LDLRAD4: variants seen among roughly 807,000 people sequenced by gnomAD.
LDLRAD4 encodes the protein low-density lipoprotein receptor class A domain-containing protein 4.
In LDLRAD4, 5 loss-of-function variants were observed where a neutral mutation model predicts 17.0. The ratio of observed to expected loss-of-function variants is 0.29; its 90% CI spans 0.15 to 0.62. LDLRAD4 has a LOEUF of 0.62. Among genes scored for constraint, LDLRAD4 ranks in the 20% least tolerant of loss-of-function variants. The pLI is 0.84. For missense variants in LDLRAD4, 340 were observed against 424.7 expected, an observed-to-expected ratio of 0.80 and a Z score of 1.75; for synonymous variants, 168 against 171.8, an observed-to-expected ratio of 0.98 and a Z score of 0.17.
intron 3 of LDLRAD4, among the ~76,000 whole-genome samples, chr18:13,495,916 C>T (rs76302295): frequency 0.07 from 10,693 of 152,258 alleles, 503 homozygotes; most frequent in Middle Eastern, 0.14. Context: ...CTCCAGCTGC[C>T]GGGCCCTTGT....
chr18:13,645,336 C>G lies in LDLRAD4; in HGVS notation c.600C>G (p.Leu200=). 1 of 1,614,242 alleles carries G rather than the reference C, an allele frequency of 6.2e-7. No individual in the cohort carries two copies. Among genetic ancestry groups the G allele is most frequent in the South Asian group, 1.1e-5 (1 of 91,092 alleles). Residue 200 remains leucine, a synonymous_variant, in exon 6 of 6, where the codon CTC becomes CTG. Coordinates refer to ENST00000359446, the Ensembl canonical transcript of LDLRAD4. The surrounding 1 kb of genome is among the most constrained non-coding windows in gnomAD (Gnocchi z 5.7). ...GGGACCCTGAACAGCAGATGGAACT[C>G]AACCGAGAGTCCGTGAGGGCCCCAC...
In LDLRAD4 at chr18:13,370,714, T is replaced by TTTTTTTTTTGTTTTG. The variant is rs1555663223; in HGVS notation, c.-382-16618_-382-16617insGTTTTGTTTTTTTTT. Among the ~76,000 whole-genome samples, 10 of 29,240 alleles carry TTTTTTTTTTGTTTTG rather than the reference T, an allele frequency of 3.4e-4. No homozygotes were observed. The South Asian group carries it at 0.013, about 38-fold the overall frequency. 19.2% of individuals were successfully genotyped at this position (29,240 alleles called of 152,430 possible). On this transcript the variant is annotated intron_variant, in intron 1 of 5. Coordinates refer to ENST00000359446, the Ensembl canonical transcript of LDLRAD4. ...GTCTCTTTCATGGTTTTTTGTTTTG[T>TTTTTTTTTTGTTTTG]TTTTTTTTTTTTTTGAGATGGATTC...
In LDLRAD4 at chr18:13,387,727, C is replaced by T; in HGVS notation, c.5C>T (p.Pro2Leu). The change falls in exon 2 of 6, where the codon CCG becomes CTG. Residue 2 changes from proline to leucine, a missense_variant. Transcript: ENST00000359446. ...CAGGCTTGTCCGGGGAGCAGTATGC[C>T]GGAAGCTGGTTTTCAGGCCACAAAT... 3.1e-6 allele frequency: 5 copies of T among 1,613,966 alleles called. No homozygotes were observed. Among genetic ancestry groups the T allele is most frequent in the Non-Finnish European group, 4.2e-6 (5 of 1,179,882 alleles).
At chr18:13,434,556 C>A (rs922947957) in intron 2 of LDLRAD4, among the ~76,000 whole-genome samples, 1 of 152,256 alleles carries the variant, frequency 6.6e-6, no homozygotes, top group African/African-American at 2.4e-5. Flanking sequence ...AAAGAATAGA[C>A]AACATATTTT....
At chr18:13,260,175 T>C (rs975049564) in intron 1 of LDLRAD4, among the ~76,000 whole-genome samples, 1 of 152,244 alleles carries the variant, frequency 6.6e-6, no homozygotes, top group Non-Finnish European at 1.5e-5. Context: ...GTAACTTCTA[T>C]TGGAGGTCAT....
chr18:13,604,404 G>C (rs1205383148), intron 3 of LDLRAD4, among the ~76,000 whole-genome samples: 1 of 152,166 alleles, frequency 6.6e-6, no homozygotes, highest in Non-Finnish European at 1.5e-5. Flanking sequence ...ACCATCATGA[G>C]CACCACCTAT....
intron 3 of LDLRAD4, among the ~76,000 whole-genome samples, chr18:13,503,114 G>A (rs1425137722): frequency 6.6e-6 from 1 of 152,148 alleles, no homozygotes; most frequent in Non-Finnish European, 1.5e-5. Context: ...ACCATCAACC[G>A]ATGTTGTGTG....
intron 3 of LDLRAD4, among the ~76,000 whole-genome samples, chr18:13,576,237 C>A (rs945570148): frequency 1.3e-5 from 2 of 151,970 alleles, no homozygotes; most frequent in African/African-American, 4.8e-5. Flanking sequence ...TCCTGGGTAA[C>A]ACGGGGAAAC....
intron 1 of LDLRAD4, among the ~76,000 whole-genome samples, chr18:13,266,461 T>G (rs1304072171): frequency 6.6e-6 from 1 of 152,214 alleles, no homozygotes; most frequent in East Asian, 1.9e-4. Flanking sequence ...ACCCTGGGCT[T>G]GGCTTTCCTT....
chr18:13,392,630 G>A (rs1021798588), intron 2 of LDLRAD4, among the ~76,000 whole-genome samples: 8 of 152,152 alleles, frequency 5.3e-5, no homozygotes, highest in African/African-American at 1.9e-4. Flanking sequence ...GGGTGTCACC[G>A]TACACATCCT....
chr18:13,403,606 G>T (rs1039945184), intron 2 of LDLRAD4, among the ~76,000 whole-genome samples: 2 of 152,198 alleles, frequency 1.3e-5, no homozygotes, highest in Admixed American at 6.5e-5. Flanking sequence ...AATTAACATG[G>T]TCTCTGAGAC....
At chr18:13,626,812 A>G (rs570775249) in intron 4 of LDLRAD4, among the ~76,000 whole-genome samples, 1 of 152,338 alleles carries the variant, frequency 6.6e-6, no homozygotes, top group African/African-American at 2.4e-5. Flanking sequence ...GGTGGCTGTC[A>G]GCCCTCTTGA....
chr18:13,246,477 A>T (rs117978833), intron 1 of LDLRAD4, among the ~76,000 whole-genome samples: 1 of 152,346 alleles, frequency 6.6e-6, no homozygotes, highest in East Asian at 1.9e-4. Flanking sequence ...ATTGGTGATG[A>T]GGAGATGGGG....
At chr18:13,389,665 C>T (rs1404407563) in intron 2 of LDLRAD4, among the ~76,000 whole-genome samples, 2 of 152,176 alleles carry the variant, frequency 1.3e-5, no homozygotes, top group Non-Finnish European at 2.9e-5. Flanking sequence ...CCACAGAGGC[C>T]AGGGTTCTGG....
At chr18:13,262,711 A>G (rs1464407281) in intron 1 of LDLRAD4, among the ~76,000 whole-genome samples, 2 of 60,344 alleles carry the variant, frequency 3.3e-5, no homozygotes, top group Non-Finnish European at 5.8e-5. Flanking sequence ...TGTGTGTGGA[A>G]ACTGAGTCCC....
chr18:13,641,983 C>T, intron 4 of LDLRAD4: 3 of 985,130 alleles, frequency 3.0e-6, no homozygotes, highest in South Asian at 4.7e-5. Flanking sequence ...GGGCCCTGGG[C>T]GGTGGGAGGG....
Position 13,645,829 on chromosome 18 carries a change from A to G in LDLRAD4, c.*172A>G. ...TTTAGGGGAATTGCATGCAAACTAG[A>G]CTGAAATGATACAAACTTCCATCTG... On this transcript the variant is annotated 3_prime_UTR_variant, in exon 6 of 6. Transcript: ENST00000359446. This position sits in a 1 kb window ranked among gnomAD's most constrained non-coding sequence, Gnocchi z 5.7. 4.3e-6 allele frequency: 2 copies of G among 469,244 alleles called. No individual in the cohort carries two copies. Among genetic ancestry groups the G allele is most frequent in the Non-Finnish European group, 7.2e-6 (2 of 276,862 alleles). The allele number at this position is 469,244 out of a possible 1,614,324, so 29.1% of individuals were successfully genotyped here.
chr18:13,494,053 G>A (rs1054909706), intron 3 of LDLRAD4, among the ~76,000 whole-genome samples: 3 of 152,352 alleles, frequency 2.0e-5, no homozygotes, highest in Non-Finnish European at 2.9e-5. Flanking sequence ...CCTCCTTCCT[G>A]GGCTCGGAGC....
chr18:13,432,429 T>C (rs1453640779), intron 2 of LDLRAD4, among the ~76,000 whole-genome samples: 2 of 152,220 alleles, frequency 1.3e-5, no homozygotes, highest in Non-Finnish European at 2.9e-5. Flanking sequence ...GTGTCTAGGA[T>C]AGCCTCCTCC....
Sources: allele counts gnomAD v4.1 joint callset (sites outside exome capture counted in the v4.1 genomes callset), GRCh38; gene constraint gnomAD v4.1.1; non-coding constraint Gnocchi (gnomAD v3.1); transcripts MANE v1.5; gene names NCBI Gene and HGNC (gene_info 2026-07-23, HGNC 2026-07-21).